ELMO1: variants seen among roughly 807,000 people sequenced by gnomAD.
ELMO1 encodes the protein engulfment and cell motility protein 1.
ELMO1 carries 26 observed loss-of-function variants against 98.9 expected under a neutral mutation model. The observed-to-expected ratio is 0.26, with a 90% confidence interval of 0.19 to 0.36. ELMO1 has a LOEUF of 0.36. Among genes scored for constraint, ELMO1 ranks in the 10% least tolerant of loss-of-function variants. ELMO1 has a pLI of 1.00. For synonymous variants in ELMO1, 346 were observed against 346.0 expected (o/e 1.00, Z 0.00); for missense variants, 627 against 935.2 (o/e 0.67, Z 4.30).
At chr7:37,387,921 C>T (rs1228265393) in intron 1 of ELMO1, among the ~76,000 whole-genome samples, 3 of 152,102 alleles carry the variant, frequency 2.0e-5, no homozygotes, top group Non-Finnish European at 2.9e-5. Flanking sequence ...AGCCTTGACC[C>T]CCTGGGCTCA....
At chr7:37,367,431 T>C (rs74418524) in intron 1 of ELMO1, among the ~76,000 whole-genome samples, 12,275 of 152,232 alleles carry the variant, frequency 0.081, 621 homozygotes, top group Middle Eastern at 0.12. Flanking sequence ...TGTGGTCACA[T>C]AGTATGCTAT....
chr7:37,194,554 TTTC>T (rs1370853922), intron 13 of ELMO1, among the ~76,000 whole-genome samples: 1 of 152,220 alleles, frequency 6.6e-6, no homozygotes, highest in Admixed American at 6.5e-5. Flanking sequence ...AACTGCATTA[TTTC>T]TTAACTTACA....
At chr7:36,920,158 C>T (rs1217746690) in intron 16 of ELMO1, among the ~76,000 whole-genome samples, 1 of 152,208 alleles carries the variant, frequency 6.6e-6, no homozygotes, top group East Asian at 1.9e-4. Context: ...GGCCAGGCCA[C>T]CACACAGTCA....
chr7:37,262,065 C>T (rs186811377), intron 5 of ELMO1, among the ~76,000 whole-genome samples: 5 of 152,240 alleles, frequency 3.3e-5, no homozygotes, highest in African/African-American at 1.2e-4. Context: ...AATGTGGAAG[C>T]TAAGTAGATG....
intron 15 of ELMO1, among the ~76,000 whole-genome samples, chr7:37,015,095 C>T (rs149709289): frequency 2.6e-5 from 4 of 152,190 alleles, no homozygotes; most frequent in Admixed American, 6.5e-5. Flanking sequence ...ATTTGCACAG[C>T]TCACCATTTC....
intron 6 of ELMO1, among the ~76,000 whole-genome samples, chr7:37,250,473 T>A (rs1245198728): frequency 1.3e-5 from 2 of 152,178 alleles, no homozygotes; most frequent in African/African-American, 2.4e-5. Flanking sequence ...TCTGCTTTTT[T>A]ATATACTTTT....
At chr7:36,892,521 G>A (rs943502855) in intron 17 of ELMO1, among the ~76,000 whole-genome samples, 3 of 152,130 alleles carry the variant, frequency 2.0e-5, no homozygotes, top group Admixed American at 1.3e-4. Flanking sequence ...AGCAGGGCCT[G>A]GCATGTAGGA....
intron 2 of ELMO1, among the ~76,000 whole-genome samples, chr7:37,330,105 C>G (rs1800023816): frequency 1.3e-5 from 2 of 152,324 alleles, no homozygotes; most frequent in South Asian, 4.1e-4. Flanking sequence ...TCCAAGTGGC[C>G]AAATCCAGAG....
chr7:37,448,217 T>C (rs1038370329), intron 1 of ELMO1, among the ~76,000 whole-genome samples: 1 of 151,730 alleles, frequency 6.6e-6, no homozygotes, highest in Non-Finnish European at 1.5e-5. Context: ...GCCGCTTCTC[T>C]AGCTCTATAG....
chr7:37,278,113 CTTTTTTTT>C (rs36110041), intron 4 of ELMO1, among the ~76,000 whole-genome samples: 2 of 85,608 alleles, frequency 2.3e-5, no homozygotes, highest in African/African-American at 4.7e-5. Flanking sequence ...ATAGCTTTTC[CTTTTTTTT>C]TTTTTTTTTT....
At chr7:36,897,330 G>GTGTGTGTGTGTGTGTGTGTGTGTGTGTA (rs1562806062) in intron 16 of ELMO1, among the ~76,000 whole-genome samples, 10 of 139,862 alleles carry the variant, frequency 7.1e-5, no homozygotes, top group Non-Finnish European at 1.2e-4. Flanking sequence ...ACAGACGTGT[G>GTGTGTGTGTGTGTGTGTGTGTGTGTGTA]TGTGTGTGTG....
chr7:37,190,200 AG>A (rs1266469310), intron 13 of ELMO1, among the ~76,000 whole-genome samples: 3 of 152,252 alleles, frequency 2.0e-5, no homozygotes, highest in African/African-American at 4.8e-5. Flanking sequence ...TTATGCTGAT[AG>A]GCTACTAATT....
At chr7:36,893,295 T>G (rs1805715205) in intron 17 of ELMO1, among the ~76,000 whole-genome samples, 1 of 152,216 alleles carries the variant, frequency 6.6e-6, no homozygotes, top group African/African-American at 2.4e-5. Flanking sequence ...GGTGAGAAAC[T>G]GCATCTCTGA....
rs148485423 is a variant in ELMO1 at position 37,405,247 on chromosome 7, A to G, written c.-74+43428T>C. ...AAAAACCCTAAGAATTCCTCCAAAAAGGTCAGGCTTTATTGCAGGTCCCAG... is the reference window on the plus strand; with the variant it reads ...AAAAACCCTAAGAATTCCTCCAAAAGGGTCAGGCTTTATTGCAGGTCCCAG... On this transcript the variant is annotated intron_variant, in intron 1 of 21. Transcript: ENST00000310758. Among the ~76,000 whole-genome samples the G allele has an allele frequency of 3.1e-3, 474 of 152,308 alleles. 3 individuals carry two copies. The highest frequency in any genetic ancestry group is 0.011 in the African/African-American group (451 of 41,560).
At chr7:36,864,921 G>C (rs1802914868) in intron 20 of ELMO1, among the ~76,000 whole-genome samples, 1 of 152,206 alleles carries the variant, frequency 6.6e-6, no homozygotes, top group South Asian at 2.1e-4. Context: ...CCTAGGGAGA[G>C]TGGAGGCAGA....
intron 14 of ELMO1, among the ~76,000 whole-genome samples, chr7:37,118,296 A>G (rs1785739856): frequency 2.0e-5 from 3 of 152,198 alleles, no homozygotes; most frequent in African/African-American, 4.8e-5. Context: ...GACTCCTGGT[A>G]CAGAGGGCTG....
At chr7:37,086,172 C>A (rs1783759671) in intron 15 of ELMO1, among the ~76,000 whole-genome samples, 1 of 152,238 alleles carries the variant, frequency 6.6e-6, no homozygotes, top group Admixed American at 6.5e-5. Flanking sequence ...CCGGGCAAGC[C>A]TCCTGCCAGG....
intron 8 of ELMO1, among the ~76,000 whole-genome samples, chr7:37,230,499 C>A (rs1198940824): frequency 1.3e-5 from 2 of 152,186 alleles, no homozygotes; most frequent in Non-Finnish European, 2.9e-5. Flanking sequence ...CACTATGTGA[C>A]CTCATTCAAC....
intron 4 of ELMO1, among the ~76,000 whole-genome samples, chr7:37,277,064 C>A (rs1212580072): frequency 1.3e-5 from 2 of 152,238 alleles, no homozygotes; most frequent in African/African-American, 4.8e-5. Flanking sequence ...ACACCTATGA[C>A]CTGGCACATG....
Sources: gnomAD v4.1 joint callset for allele counts (sites outside exome capture counted in the v4.1 genomes callset) on GRCh38, gnomAD v4.1.1 for gene constraint, MANE v1.5 for transcripts, NCBI Gene and HGNC (gene_info 2026-07-23, HGNC 2026-07-21) for gene names.